HMGXB4: variants seen among roughly 807,000 people sequenced by gnomAD.
HMGXB4 encodes the protein HMG-box containing 4.
In HMGXB4, 27 loss-of-function variants were observed where a neutral mutation model predicts 63.9. The ratio of observed to expected loss-of-function variants is 0.42; its 90% CI spans 0.31 to 0.58. The LOEUF (loss-of-function observed/expected upper bound fraction) is 0.58, where lower values mean the gene tolerates loss of function less well. Among genes scored for constraint, HMGXB4 ranks in the 20% least tolerant of loss-of-function variants. The pLI, the probability that HMGXB4 is intolerant of heterozygous loss-of-function variation, is 0.13. For missense variants in HMGXB4, 624 were observed against 700.7 expected, an observed-to-expected ratio of 0.89 and a Z score of 1.24; for synonymous variants, 264 against 265.3, an observed-to-expected ratio of 0.99 and a Z score of 0.05.
rs1460079270 is a variant in HMGXB4, at chr22:35,293,884, A to G, written c.*233A>G. The G allele has an allele frequency of 3.5e-6, 1 of 288,756 alleles. No homozygotes were observed. The highest frequency in any genetic ancestry group is 5.0e-5 in the Admixed American group (1 of 20,160). 17.9% of individuals were successfully genotyped at this position (288,756 alleles called of 1,614,324 possible). A position where few individuals can be genotyped will look rare whatever the true frequency, so the allele number is the denominator to read the frequency against. On this transcript the variant is annotated 3_prime_UTR_variant, in exon 11 of 11. Coordinates refer to ENST00000216106, the MANE Select transcript of HMGXB4 (RefSeq NM_001003681.3). The stretch of plus-strand genomic sequence containing the variant: ...TAGCCAAGAGGAAATTTTGGCATGA[A>G]TACAGGCTTGGGATTCTTTTTTCTC...
rs1923068379 is a variant in HMGXB4, at chr22:35,264,590, A to G, written c.260-58A>G. The G allele has an allele frequency of 1.4e-5, 18 of 1,255,530 alleles. No homozygotes were observed. In the Admixed American group the frequency reaches 1.9e-4, roughly 13 times the overall value. The allele number at this position is 1,255,530 out of a possible 1,614,324, so 77.8% of individuals were successfully genotyped here. ...AGCTAGGTGCTTTTGATGAGAGAGG[A>G]AACTTGTTAGAAGTTGCTTCCCATC... On this transcript the variant is annotated intron_variant, in intron 4 of 10. Transcript: ENST00000216106.
In HMGXB4 at chr22:35,263,128, C is replaced by T; in HGVS notation, c.82C>T (p.Arg28Ter). The T allele has an allele frequency of 6.2e-7, 1 of 1,613,712 alleles. No homozygotes were observed. Among genetic ancestry groups the T allele is most frequent in the Non-Finnish European group, 8.5e-7 (1 of 1,179,874 alleles). Reference protein sequence around the residue: ...TFEDIGLAAGRSQREKKRSYK... With the variant: ...TFEDIGLAAG The stretch of plus-strand genomic sequence containing the variant: ...TGAGGACATAGGACTTGCAGCTGGC[C>T]GAAGCCAACGAGAGAAAAAACGTTC... The change falls in exon 3 of 11, where the codon CGA becomes TGA. Residue 28 changes from arginine to a stop codon, truncating the protein, a stop_gained. Coordinates refer to ENST00000216106, the MANE Select transcript of HMGXB4 (RefSeq NM_001003681.3). LOFTEE classifies it high-confidence loss of function.
chr22:35,269,702 G>C (rs1274471751), intron 5 of HMGXB4, among the ~76,000 whole-genome samples: 1 of 152,168 alleles, frequency 6.6e-6, no homozygotes, highest in Admixed American at 6.5e-5. Context: ...TGTACAAGGT[G>C]GATTAGAGTA....
At chr22:35,280,848 G>C (rs1047628902) in intron 5 of HMGXB4, among the ~76,000 whole-genome samples, 18 of 152,056 alleles carry the variant, frequency 1.2e-4, no homozygotes, top group Non-Finnish European at 1.9e-4. Flanking sequence ...CAACTCTCTG[G>C]TTTAGATTAA....
the HMGXB4 span, chr22:35,249,690 T>C: frequency 2.0e-5 from 2 of 99,016 alleles, 1 homozygote; most frequent in Non-Finnish European, 5.6e-5. Flanking sequence ...CTCTGGGTGG[T>C]GGGTACATGG....
chr22:35,282,128 A>C (rs1371962259), intron 5 of HMGXB4, among the ~76,000 whole-genome samples: 4 of 152,210 alleles, frequency 2.6e-5, no homozygotes, highest in Non-Finnish European at 5.9e-5. Context: ...CTGACTCTTA[A>C]GGCAAACAAA....
intron 5 of HMGXB4, 64 bp downstream of exon 5, chr22:35,265,667 G>A: frequency 6.9e-7 from 1 of 1,453,170 alleles, no homozygotes; most frequent in South Asian, 1.5e-5. Flanking sequence ...GGTAGTCAGT[G>A]GACTTTTAAG....
intron 5 of HMGXB4, among the ~76,000 whole-genome samples, chr22:35,281,918 A>G (rs1467693348): frequency 6.6e-6 from 1 of 152,200 alleles, no homozygotes; most frequent in African/African-American, 2.4e-5. Context: ...CGCTTTTGGA[A>G]TTAAAGTTGG....
upstream of HMGXB4, among the ~76,000 whole-genome samples, chr22:35,252,996 G>A (rs908854736): frequency 2.0e-5 from 3 of 152,042 alleles, no homozygotes; most frequent in East Asian, 3.9e-4. Context: ...GCTGGGTGTG[G>A]TGGCACATAC....
chr22:35,293,495 T>G (rs770899814), intron 10 of HMGXB4, 112 bp from the exon 11 acceptor site: 4 of 739,588 alleles, frequency 5.4e-6, no homozygotes, highest in Non-Finnish European at 9.5e-6. Flanking sequence ...CATTCTCACC[T>G]GTTTTTCTAA....
intron 5 of HMGXB4, among the ~76,000 whole-genome samples, chr22:35,279,677 CTTTTTTTTTTTT>C (rs35564206): frequency 5.4e-5 from 3 of 55,170 alleles, no homozygotes; most frequent in Admixed American, 2.2e-4. Context: ...GTCTAGATTC[CTTTTTTTTTTTT>C]TTTTTTTTTT....
At chr22:35,247,822 G>A in the HMGXB4 span, among the ~76,000 whole-genome samples, 1 of 152,144 alleles carries the variant, frequency 6.6e-6, no homozygotes, top group South Asian at 2.1e-4. Context: ...TTAGCTGGAA[G>A]CAAAGTCTCC....
intron 5 of HMGXB4, among the ~76,000 whole-genome samples, chr22:35,274,739 TAGC>T (rs1159898337): frequency 6.6e-6 from 1 of 152,250 alleles, no homozygotes; most frequent in Non-Finnish European, 1.5e-5. Context: ...GTGTGACAGA[TAGC>T]AGAAGTATAG....
intron 6 of HMGXB4, among the ~76,000 whole-genome samples, chr22:35,285,229 G>C (rs1924494209): frequency 6.6e-6 from 1 of 152,116 alleles, no homozygotes; most frequent in Admixed American, 6.5e-5. Flanking sequence ...AACATAACGA[G>C]ACCTCATCTC....
At chr22:35,267,541 T>C (rs1923340833) in intron 5 of HMGXB4, among the ~76,000 whole-genome samples, 1 of 152,204 alleles carries the variant, frequency 6.6e-6, no homozygotes, top group African/African-American at 2.4e-5. Flanking sequence ...TGAACTCTAC[T>C]TGTGCAATTC....
the HMGXB4 span, among the ~76,000 whole-genome samples, chr22:35,251,265 C>T: frequency 1.6e-3 from 245 of 151,990 alleles, 1 homozygote; most frequent in African/African-American, 5.5e-3. Flanking sequence ...TTAGTAGAGA[C>T]GGGGTTTCAC....
intron 5 of HMGXB4, among the ~76,000 whole-genome samples, chr22:35,282,593 A>G (rs1924336329): frequency 6.6e-6 from 1 of 152,228 alleles, no homozygotes; most frequent in African/African-American, 2.4e-5. Context: ...TGTTAGATTA[A>G]GATTATTAAG....
intron 6 of HMGXB4, among the ~76,000 whole-genome samples, chr22:35,285,320 G>C (rs1924500740): frequency 1.3e-5 from 2 of 152,204 alleles, no homozygotes; most frequent in African/African-American, 4.8e-5. Flanking sequence ...CGAGGTGGGT[G>C]GATCACCTGA....
At chr22:35,262,859 C>T in intron 2 of HMGXB4, 1 of 582,050 alleles carries the variant, frequency 1.7e-6, no homozygotes, top group East Asian at 2.9e-5. Context: ...CTTTGCATAG[C>T]ATGGAAACAT....
Sources: gnomAD v4.1 joint callset for allele counts (sites outside exome capture counted in the v4.1 genomes callset) on GRCh38, gnomAD v4.1.1 for gene constraint, MANE v1.5 for transcripts, NCBI Gene and HGNC (gene_info 2026-07-23, HGNC 2026-07-21) for gene names.